CSMD1: variants seen among roughly 807,000 people sequenced by gnomAD.
CSMD1 encodes the protein CUB and sushi domain-containing protein 1.
A neutral mutation model predicts 417.5 loss-of-function variants in CSMD1; 213 were observed. That is an observed-to-expected ratio of 0.51 (90% CI 0.46 to 0.57). The LOEUF is 0.57. CSMD1 is among the 20% of genes least tolerant of loss of function. CSMD1 has a pLI of 0.00. For missense variants in CSMD1, 6,923 were observed against 4,529.7 expected (o/e 1.53, Z -15.17); for synonymous variants, 2,862 against 1,736.8 (o/e 1.65, Z -16.11).
chr8:3,396,951 T>G (rs146145051), intron 16 of CSMD1, among the ~76,000 whole-genome samples: 1 of 152,150 alleles, frequency 6.6e-6, no homozygotes, highest in Non-Finnish European at 1.5e-5. Context: ...CATGGGTATG[T>G]TGCCATTTCA....
At chr8:3,752,428 G>A (rs570695782) in intron 6 of CSMD1, among the ~76,000 whole-genome samples, 107 of 152,178 alleles carry the variant, frequency 7.0e-4, no homozygotes, top group Non-Finnish European at 1.4e-3. Context: ...GCCGAGGCAG[G>A]CAGATCATCT....
At chr8:4,246,603 A>G (rs1368904599) in intron 3 of CSMD1, among the ~76,000 whole-genome samples, 2 of 152,184 alleles carry the variant, frequency 1.3e-5, no homozygotes, top group Non-Finnish European at 2.9e-5. Flanking sequence ...ATTTGATATG[A>G]TGGGTCTAGC....
intron 7 of CSMD1, among the ~76,000 whole-genome samples, chr8:3,639,843 ATTTAT>A (rs1372011905): frequency 3.3e-5 from 5 of 152,196 alleles, no homozygotes; most frequent in Non-Finnish European, 5.9e-5. Flanking sequence ...TAATCATATT[ATTTAT>A]TTTATCAGCT....
At chr8:3,877,294 T>C (rs1257166386) in intron 5 of CSMD1, among the ~76,000 whole-genome samples, 1 of 152,100 alleles carries the variant, frequency 6.6e-6, no homozygotes, top group African/African-American at 2.4e-5. Context: ...GAAAGGAAAC[T>C]TCTGCATGCT....
chr8:4,426,025 A>G lies in CSMD1; in HGVS notation c.303-5960T>C, dbSNP rs1797530544. On this transcript the variant is annotated intron_variant, in intron 2 of 69. Coordinates refer to ENST00000635120, the MANE Select transcript of CSMD1 (RefSeq NM_033225.6). ...TAAACATTTTAAAATGTGTTTTCCA[A>G]ATCTCCAAGGGATTATGAAATTTTA... is the stretch of plus-strand genomic sequence containing the variant. Among the ~76,000 whole-genome samples the G allele has an allele frequency of 2.0e-5, 3 of 152,030 alleles. No homozygotes were observed. The South Asian group carries it at 6.2e-4, about 32-fold the overall frequency.
chr8:4,152,756 A>G (rs182562926), intron 3 of CSMD1, among the ~76,000 whole-genome samples: 1 of 144,024 alleles, frequency 6.9e-6, no homozygotes, highest in Non-Finnish European at 1.5e-5. Context: ...ATAGTAATAT[A>G]TACATATAAT....
At chr8:3,537,479 A>G (rs1798253462) in intron 10 of CSMD1, among the ~76,000 whole-genome samples, 1 of 152,200 alleles carries the variant, frequency 6.6e-6, no homozygotes, top group South Asian at 2.1e-4. Context: ...ATGTAAAGTG[A>G]TTTCCTCAGG....
chr8:3,225,906 A>G (rs1190239862), intron 27 of CSMD1, among the ~76,000 whole-genome samples: 1 of 152,200 alleles, frequency 6.6e-6, no homozygotes, highest in Admixed American at 6.5e-5. Flanking sequence ...ATGCTAGCAA[A>G]TTCTCCAGAA....
At chr8:3,477,986 T>G (rs935588529) in intron 11 of CSMD1, among the ~76,000 whole-genome samples, 1 of 152,184 alleles carries the variant, frequency 6.6e-6, no homozygotes, top group East Asian at 1.9e-4. Context: ...ATAATCATAT[T>G]ATTAAATACA....
chr8:4,959,692 C>T (rs1218531507), intron 1 of CSMD1, among the ~76,000 whole-genome samples: 1 of 152,196 alleles, frequency 6.6e-6, no homozygotes, highest in Non-Finnish European at 1.5e-5. Flanking sequence ...TCAAAACCCT[C>T]CAATAGTTCT....
chr8:3,525,950 T>C (rs973257622), intron 10 of CSMD1, among the ~76,000 whole-genome samples: 3 of 152,132 alleles, frequency 2.0e-5, no homozygotes, highest in Non-Finnish European at 4.4e-5. Flanking sequence ...TCTTAAGCCT[T>C]ACAACAATTC....
intron 3 of CSMD1, among the ~76,000 whole-genome samples, chr8:4,260,467 AACATTGTTCACCTGAAGTAAAT>A (rs1001954527): frequency 6.6e-6 from 1 of 152,168 alleles, no homozygotes; most frequent in Non-Finnish European, 1.5e-5. Flanking sequence ...GATGTTAGTG[AACATTGTTCACCTGAAGTAAAT>A]ACAAGGCAAA....
At chr8:4,242,923 G>GA (rs1268334553) in intron 3 of CSMD1, among the ~76,000 whole-genome samples, 1 of 152,024 alleles carries the variant, frequency 6.6e-6, no homozygotes, top group African/African-American at 2.4e-5. Context: ...TTCTGACCCA[G>GA]AAAAAAAGAT....
At chr8:3,318,808 C>T (rs1805956282) in intron 23 of CSMD1, among the ~76,000 whole-genome samples, 1 of 152,134 alleles carries the variant, frequency 6.6e-6, no homozygotes, top group Non-Finnish European at 1.5e-5. Context: ...ACACAGACAG[C>T]CACACACCAA....
intron 1 of CSMD1, among the ~76,000 whole-genome samples, chr8:4,764,753 G>A (rs761495201): frequency 2.0e-5 from 3 of 149,560 alleles, no homozygotes; most frequent in Non-Finnish European, 4.4e-5. Flanking sequence ...GCTGCCTGTA[G>A]TCCCAGCTAC....
chr8:4,326,747 C>G (rs1278391427), intron 3 of CSMD1, among the ~76,000 whole-genome samples: 1 of 151,982 alleles, frequency 6.6e-6, no homozygotes, highest in Non-Finnish European at 1.5e-5. Flanking sequence ...AATAGTAATG[C>G]CCATCTTCAG....
chr8:3,723,964 A>C (rs867618692), intron 6 of CSMD1, among the ~76,000 whole-genome samples: 1 of 51,534 alleles, frequency 1.9e-5, no homozygotes, highest in Admixed American at 1.9e-4. Context: ...TGTTAAGTTT[A>C]ATGTTGTGTG....
chr8:4,289,934 C>A (rs117806355), intron 3 of CSMD1, among the ~76,000 whole-genome samples: 1 of 152,166 alleles, frequency 6.6e-6, no homozygotes, highest in Non-Finnish European at 1.5e-5. Flanking sequence ...TAATTAGAAT[C>A]ATTATTGACC....
chr8:3,300,726 G>T (rs1025954422), intron 25 of CSMD1, among the ~76,000 whole-genome samples: 2 of 152,064 alleles, frequency 1.3e-5, no homozygotes, highest in South Asian at 4.1e-4. Context: ...GGAGGACGAG[G>T]CGGGCAGATC....
Sources: gnomAD v4.1 joint callset for allele counts (sites outside exome capture counted in the v4.1 genomes callset) on GRCh38, gnomAD v4.1.1 for gene constraint, MANE v1.5 for transcripts, NCBI Gene and HGNC (gene_info 2026-07-23, HGNC 2026-07-21) for gene names.